Variants in SI observed in about 807,000 individuals in gnomAD.
SI encodes sucrase-isomaltase, intestinal.
SI carries 235 observed loss-of-function variants against 253.3 expected under a neutral mutation model. The observed-to-expected ratio is 0.93, with a 90% CI of 0.83 to 1.03. The LOEUF (loss-of-function observed/expected upper bound fraction) is 1.03. Among genes scored for constraint, SI ranks in the 50% least tolerant of loss-of-function variants. The pLI is 0.00. For missense variants in SI, 2,442 were observed against 2,211.1 expected (o/e 1.10, Z -2.09); for synonymous variants, 819 against 712.0 (o/e 1.15, Z -2.39).
At chr3:165,060,576 G>C (rs1248063739) in intron 9 of SI, among the ~76,000 whole-genome samples, 1 of 151,624 alleles carries the variant, frequency 6.6e-6, no homozygotes, top group East Asian at 1.9e-4. Context: ...CACATGCAGT[G>C]CCTCAGCTTC....
At chr3:164,991,245 T>A in intron 44 of SI, 108 bp downstream of exon 44, 1 of 1,192,064 alleles carries the variant, frequency 8.4e-7, no homozygotes, top group Non-Finnish European at 1.2e-6. Context: ...GGCAGGCTAA[T>A]GTACTAGCTT....
chr3:165,063,768 A>T (rs189340611), intron 7 of SI, among the ~76,000 whole-genome samples: 1 of 150,040 alleles, frequency 6.7e-6, no homozygotes, highest in Non-Finnish European at 1.5e-5. Flanking sequence ...TATAACATAT[A>T]TAATACTATT....
chr3:165,020,458 C>T (rs1576889841), intron 27 of SI, among the ~76,000 whole-genome samples: 2 of 151,580 alleles, frequency 1.3e-5, no homozygotes, highest in South Asian at 4.1e-4. Flanking sequence ...ACTATTTAAT[C>T]GAGAATAATG....
chr3:165,055,387 A>G, intron 12 of SI, 80 bp from the exon 13 acceptor site: 2 of 792,552 alleles, frequency 2.5e-6, no homozygotes, highest in Non-Finnish European at 4.2e-6. Flanking sequence ...TAAAGTTGAG[A>G]ATAGTAAAAA....
At chr3:165,030,408 T>G (rs531864461) in intron 25 of SI, among the ~76,000 whole-genome samples, 2 of 151,048 alleles carry the variant, frequency 1.3e-5, no homozygotes, top group African/African-American at 4.8e-5. Flanking sequence ...TCAGCTACAG[T>G]CAACACCAAG....
chr3:165,047,316 C>T (rs13433732), intron 15 of SI, among the ~76,000 whole-genome samples: 18,897 of 151,860 alleles, frequency 0.12, 1,524 homozygotes, highest in Non-Finnish European at 0.18. Context: ...TTGCCTGCTG[C>T]CATCCACCTA....
intron 14 of SI, 134 bp from the exon 15 acceptor site, chr3:165,049,378 A>G: frequency 3.1e-6 from 2 of 651,788 alleles, no homozygotes; most frequent in Non-Finnish European, 5.4e-6. Context: ...ATGACAAAGG[A>G]CAATCCAATT....
rs1396506631 is a variant in SI, at chr3:165,059,204, A to G, written c.1242T>C (p.Asp414=). 5.6e-6 allele frequency: 9 copies of G among 1,612,684 alleles called. 1 individual carries two copies. The highest frequency in any genetic ancestry group is 1.6e-4 in the Middle Eastern group (1 of 6,080). The change falls in exon 11 of 48, where the codon GAT becomes GAC. Residue 414 remains aspartate, a synonymous_variant. Coordinates refer to ENST00000264382, the MANE Select transcript of SI (RefSeq NM_001041.4). ...CATATTTCTGTCCATGGTCATGCAA[A>G]TCTTGCACAAATTGAGGGAGTCCGT... The part of the protein sequence containing the change: ...AFNGLPQFVQ[D]LHDHGQKYVI...
chr3:164,981,125 A>T (rs535444745), intron 47 of SI, among the ~76,000 whole-genome samples: 1 of 152,188 alleles, frequency 6.6e-6, no homozygotes, highest in South Asian at 2.1e-4. Flanking sequence ...AGGCACTAAG[A>T]TATTAACTTT....
rs1576903917 is a variant in SI at position 165,041,191 on chromosome 3, A to C, written c.2005-97T>G. ...ATCTGCTTTTTAAAGCAACTACATAAATTTCAGCTTGTTTATGAGAAATTA... is the reference window on the plus strand; with the variant it reads ...ATCTGCTTTTTAAAGCAACTACATACATTTCAGCTTGTTTATGAGAAATTA... On this transcript the variant is annotated intron_variant, in intron 17 of 47. Coordinates refer to ENST00000264382, the MANE Select transcript of SI (RefSeq NM_001041.4). 8 of 1,037,932 alleles carry C rather than the reference A, an allele frequency of 7.7e-6. No individual in the cohort carries two copies. The East Asian group carries it at 1.9e-4, about 25-fold the overall frequency. The allele number at this position is 1,037,932 out of a possible 1,614,324, so 64.3% of individuals were successfully genotyped here.
In SI at chr3:164,989,457, GGAGAGGAGAA is replaced by G. The variant is rs1436916637; in HGVS notation, c.5108+1886_5108+1895del. On this transcript the variant is annotated intron_variant, in intron 44 of 47. Transcript: ENST00000264382. ...GAAAGGAAAGAAAGAAGAGAGGAGA[GGAGAGGAGAA>G]GAGAGGAGAAGAGAAGAGAAGAAAT... 2.9e-3 allele frequency among the ~76,000 whole-genome samples: 432 copies of G among 147,112 alleles called. 3 individuals are homozygous for G. Among genetic ancestry groups the G allele is most frequent in the African/African-American group, 0.01 (415 of 40,040 alleles).
intron 9 of SI, 98 bp downstream of exon 9, chr3:165,062,273 G>T: frequency 2.9e-6 from 2 of 693,460 alleles, no homozygotes; most frequent in South Asian, 3.2e-5. Flanking sequence ...TAGCTAAGAG[G>T]CCCCTACTAT....
At chr3:165,047,050 T>A (rs1576907688) in intron 15 of SI, 38 bp from the exon 16 acceptor site, 2 of 1,452,202 alleles carry the variant, frequency 1.4e-6, no homozygotes, top group African/African-American at 1.4e-5. Context: ...CAATTTATTT[T>A]AAAAAATAAA....
At chr3:165,006,211 C>A (rs562697126) in intron 37 of SI, among the ~76,000 whole-genome samples, 1 of 152,172 alleles carries the variant, frequency 6.6e-6, no homozygotes, top group African/African-American at 2.4e-5. Flanking sequence ...CAGGTCCAAG[C>A]GATTCTTGTG....
chr3:165,068,595 C>T lies in SI; in HGVS notation c.483+127G>A, dbSNP rs1035232837. ...TCACCCTGTTAGCCAGGATGGTCTC[C>T]ATCTCCTGACCTTGTGATCCGCCCA... On this transcript the variant is annotated intron_variant, in intron 5 of 47. Transcript: ENST00000264382. The T allele has an allele frequency of 2.7e-6, 2 of 742,242 alleles. 1 individual carries two copies. The highest frequency in any genetic ancestry group is 3.7e-5 in the Admixed American group (2 of 54,002). The allele number at this position is 742,242 out of a possible 1,614,324, so 46.0% of individuals were successfully genotyped here.
intron 28 of SI, 88 bp from the exon 29 acceptor site, chr3:165,018,154 C>T (rs543598513): frequency 1.6e-4 from 132 of 802,668 alleles, no homozygotes; most frequent in Non-Finnish European, 2.5e-4. Context: ...ATTATACAAT[C>T]GAGACTTGAT....
At chr3:164,989,629 A>G (rs1018585917) in intron 44 of SI, among the ~76,000 whole-genome samples, 1 of 152,144 alleles carries the variant, frequency 6.6e-6, no homozygotes, top group Admixed American at 6.5e-5. Context: ...AATATATCAC[A>G]AGACAGATGA....
chr3:165,006,809 T>G lies in SI; in HGVS notation c.4406+7A>C, dbSNP rs751956480. 1 of 1,610,400 alleles carries G rather than the reference T, an allele frequency of 6.2e-7. No individual in the cohort carries two copies. Among genetic ancestry groups the G allele is most frequent in the African/African-American group, 1.3e-5 (1 of 74,826 alleles). ...AGTCAGAGAGGATAATTCAGAACAT[T>G]GCTTACTCATGAGTAGGTTTCATCT... On this transcript the variant is annotated splice_region_variant and intron_variant, in intron 37 of 47. Coordinates refer to ENST00000264382, the MANE Select transcript of SI (RefSeq NM_001041.4).
At chr3:165,035,121 A>C (rs917396952) in intron 22 of SI, among the ~76,000 whole-genome samples, 1 of 152,000 alleles carries the variant, frequency 6.6e-6, no homozygotes, top group Non-Finnish European at 1.5e-5. Context: ...CATGGTGGTA[A>C]GATCCAAGTT....
Sources: gnomAD v4.1 joint callset for allele counts (sites outside exome capture counted in the v4.1 genomes callset) on GRCh38, gnomAD v4.1.1 for gene constraint, MANE v1.5 for transcripts, NCBI Gene and HGNC (gene_info 2026-07-23, HGNC 2026-07-21) for gene names.